Variants in AK7 observed in about 807,000 individuals in gnomAD.
AK7 encodes ATP-AMP transphosphorylase 7.
AK7 carries 78 observed loss-of-function variants against 96.6 expected under a neutral mutation model. The observed-to-expected ratio is 0.81, with a 90% CI of 0.67 to 0.97. The LOEUF (loss-of-function observed/expected upper bound fraction) is 0.97. AK7 is among the 50% of genes least tolerant of loss of function. The pLI, the probability that AK7 is intolerant of heterozygous loss-of-function variation, is 0.00. For synonymous variants in AK7, 302 were observed against 317.2 expected (o/e 0.95, Z 0.51); for missense variants, 855 against 887.9 (o/e 0.96, Z 0.47).
At chr14:96,420,467 C>T (rs1212243502) in intron 4 of AK7, among the ~76,000 whole-genome samples, 1 of 151,774 alleles carries the variant, frequency 6.6e-6, no homozygotes, top group Non-Finnish European at 1.5e-5. Context: ...TGTACTCCAT[C>T]CAGTCTAGGA....
At chr14:96,448,630 TAAA>T (rs71103528) in intron 8 of AK7, among the ~76,000 whole-genome samples, 118 of 74,838 alleles carry the variant, frequency 1.6e-3, no homozygotes, top group East Asian at 7.7e-3. Flanking sequence ...ACCCTATCTC[TAAA>T]AAAAAAAAAA....
chr14:96,458,610 C>T (rs890631039), intron 12 of AK7, among the ~76,000 whole-genome samples: 7 of 151,698 alleles, frequency 4.6e-5, no homozygotes, highest in South Asian at 2.1e-4. Flanking sequence ...GATGTGGTGC[C>T]GCACACCTGT....
intron 5 of AK7, among the ~76,000 whole-genome samples, chr14:96,435,274 G>T (rs941604725): frequency 2.0e-5 from 3 of 152,098 alleles, no homozygotes; most frequent in African/African-American, 7.2e-5. Context: ...ATCACTGCTG[G>T]TTATTCAGGG....
intron 4 of AK7, among the ~76,000 whole-genome samples, chr14:96,410,753 A>T (rs978087274): frequency 6.6e-6 from 1 of 152,216 alleles, no homozygotes; most frequent in East Asian, 1.9e-4. Context: ...CTATAATCCC[A>T]GCACTTTGGG....
intron 5 of AK7, among the ~76,000 whole-genome samples, chr14:96,425,480 A>ATTTTTTT (rs35861988): frequency 4.2e-5 from 5 of 119,108 alleles, no homozygotes; most frequent in Non-Finnish European, 6.6e-5. Context: ...AGTCACACTG[A>ATTTTTTT]TTTTTTTTTT....
intron 2 of AK7, 132 bp downstream of exon 2, chr14:96,398,395 G>T (rs1217287634): frequency 1.5e-5 from 14 of 918,440 alleles, no homozygotes; most frequent in Non-Finnish European, 2.3e-5. Flanking sequence ...TTGAGGGAAT[G>T]GCTTTCTCCT....
chr14:96,420,788 C>G (rs1891637051), intron 4 of AK7, 34 bp from the exon 5 acceptor site: 1 of 1,484,686 alleles, frequency 6.7e-7, no homozygotes, highest in African/African-American at 1.4e-5. Context: ...TCTAATTCAC[C>G]AAGTCTGTAC....
At chr14:96,435,729 G>A (rs563503770) in intron 5 of AK7, among the ~76,000 whole-genome samples, 1 of 152,162 alleles carries the variant, frequency 6.6e-6, no homozygotes, top group Non-Finnish European at 1.5e-5. Flanking sequence ...ATACCGGAGA[G>A]CCCCCTCTGA....
chr14:96,453,138 T>G (rs1320331476), intron 10 of AK7, among the ~76,000 whole-genome samples: 1 of 152,150 alleles, frequency 6.6e-6, no homozygotes, highest in African/African-American at 2.4e-5. Flanking sequence ...TAGTTAAGAA[T>G]AAGCAAAACA....
At chr14:96,421,543 C>T (rs537535067) in intron 5 of AK7, 1 of 151,844 alleles carries the variant, frequency 6.6e-6, no homozygotes, top group African/African-American at 2.4e-5. Context: ...AAAACCCCAT[C>T]ATTCAATAGA....
rs72383489 is a variant in AK7 at position 96,449,420 on chromosome 14, G to GTGTTTGTT, written c.871-363_871-356dup. 1.5e-4 allele frequency among the ~76,000 whole-genome samples: 23 copies of GTGTTTGTT among 151,738 alleles called. No homozygotes were observed. The South Asian group carries it at 1.7e-3, about 11-fold the overall frequency. Reference sequence around the variant, plus strand: ...CAATTATGTTCACATTCATTTGAGGGTGTTTGTTTGTTTGTTTGTTTGTTT... The same window carrying GTGTTTGTT: ...CAATTATGTTCACATTCATTTGAGGGTGTTTGTTTGTTTGTTTGTTTGTTTGTTTGTTT... On this transcript the variant is annotated intron_variant, in intron 8 of 17. Coordinates refer to ENST00000267584, the MANE Select transcript of AK7 (RefSeq NM_152327.5).
chr14:96,392,272 G>A lies in AK7; in HGVS notation c.105+13G>A. Reference sequence around the variant, plus strand: ...AAACATCGGGAAGGTGAGCGGCGGCGGCGGCCCAGAGCCTCACGCCAGCTC... The same window carrying A: ...AAACATCGGGAAGGTGAGCGGCGGCAGCGGCCCAGAGCCTCACGCCAGCTC... On this transcript the variant is annotated intron_variant, in intron 1 of 17. Transcript: ENST00000267584. The A allele has an allele frequency of 6.2e-7, 1 of 1,605,082 alleles. No individual in the cohort carries two copies. Among genetic ancestry groups the A allele is most frequent in the Non-Finnish European group, 8.5e-7 (1 of 1,172,168 alleles).
intron 12 of AK7, among the ~76,000 whole-genome samples, chr14:96,469,251 C>T (rs1388931727): frequency 2.6e-5 from 4 of 152,118 alleles, no homozygotes; most frequent in Non-Finnish European, 4.4e-5. Context: ...CCGGGGGCGG[C>T]GGCTCATTCC....
intron 2 of AK7, chr14:96,398,631 C>A: frequency 4.2e-6 from 1 of 240,442 alleles, no homozygotes; most frequent in South Asian, 6.0e-5. Context: ...CCTGTAATCC[C>A]AGCACTTTGG....
chr14:96,444,895 T>G (rs1893149102), intron 7 of AK7, among the ~76,000 whole-genome samples: 1 of 152,116 alleles, frequency 6.6e-6, no homozygotes, highest in African/African-American at 2.4e-5. Flanking sequence ...TTTTTGTATT[T>G]TTAGTAGAGA....
intron 5 of AK7, among the ~76,000 whole-genome samples, chr14:96,425,190 G>A (rs1891951397): frequency 6.6e-6 from 1 of 152,236 alleles, no homozygotes; most frequent in Non-Finnish European, 1.5e-5. Flanking sequence ...TTTAACTAAT[G>A]TCCAGTTAGA....
rs2140186899 is a variant in AK7, at chr14:96,486,920, A to G, written c.1997A>G (p.Lys666Arg). ...TAGAATAAACGACTGGAGGAAGTGA[A>G]AAGAGAAGAAAGAGAATTACTGGAG... ...EEWNKRLEEV[K>R]REERELLEAQ... Residue 666 changes from lysine to arginine, a missense_variant, in exon 17 of 18, where the codon AAA becomes AGA. By Grantham distance (26) the Lys-to-Arg change is conservative. Coordinates refer to ENST00000267584, the MANE Select transcript of AK7 (RefSeq NM_152327.5). 1 of 1,613,960 alleles carries G rather than the reference A, an allele frequency of 6.2e-7. No homozygotes were observed. The highest frequency in any genetic ancestry group is 8.5e-7 in the Non-Finnish European group (1 of 1,179,914).
chr14:96,432,712 C>T (rs1390475615), intron 5 of AK7, among the ~76,000 whole-genome samples: 1 of 151,596 alleles, frequency 6.6e-6, no homozygotes, highest in Non-Finnish European at 1.5e-5. Context: ...AGGCCAGGCG[C>T]GGTGGCTCAT....
At chr14:96,436,027 G>A (rs1484743792) in intron 5 of AK7, among the ~76,000 whole-genome samples, 1 of 152,082 alleles carries the variant, frequency 6.6e-6, no homozygotes, top group Non-Finnish European at 1.5e-5. Context: ...TGTTTTTTCT[G>A]TGTAGGTAGT....
Sources: allele counts gnomAD v4.1 joint callset (sites outside exome capture counted in the v4.1 genomes callset), GRCh38; gene constraint gnomAD v4.1.1; transcripts MANE v1.5; gene names NCBI Gene and HGNC (gene_info 2026-07-23, HGNC 2026-07-21).